MUC7: variants seen among roughly 807,000 people sequenced by gnomAD.
The protein encoded by MUC7 is mucin-7.
Under a neutral mutation model 2.5 loss-of-function variants are expected in MUC7, and 2 were observed. The observed-to-expected ratio is 0.81, with a 90% CI of 0.33 to 2.55. The LOEUF (loss-of-function observed/expected upper bound fraction) is 2.55, where lower values mean the gene tolerates loss of function less well. MUC7 is among the 30% of genes most tolerant of loss of function. MUC7 has a pLI of 0.11. For synonymous variants in MUC7, 133 were observed against 173.4 expected, an observed-to-expected ratio of 0.77 and a Z score of 1.83; for missense variants, 408 against 455.6, an observed-to-expected ratio of 0.90 and a Z score of 0.95.
At chr4:70,474,414 G>A (rs1734933102) in intron 2 of MUC7, among the ~76,000 whole-genome samples, 1 of 152,074 alleles carries the variant, frequency 6.6e-6, no homozygotes, top group Non-Finnish European at 1.5e-5. Context: ...CAACTACTCG[G>A]AGGCTGAGGT....
chr4:70,479,253 A>ATAGT (rs1241896817), intron 2 of MUC7, among the ~76,000 whole-genome samples: 2 of 152,224 alleles, frequency 1.3e-5, no homozygotes, highest in Admixed American at 6.5e-5. Flanking sequence ...TTGCTTTGAA[A>ATAGT]TAGTTATGTG....
chr4:70,444,803 G>C (rs1019834960), intron 1 of MUC7, among the ~76,000 whole-genome samples: 3 of 152,132 alleles, frequency 2.0e-5, no homozygotes, highest in African/African-American at 7.2e-5. Flanking sequence ...TGTAATCCCA[G>C]CACTTTGGGA....
chr4:70,464,154 C>T (rs1734623972), intron 1 of MUC7, among the ~76,000 whole-genome samples: 1 of 152,192 alleles, frequency 6.6e-6, no homozygotes, highest in Admixed American at 6.5e-5. Flanking sequence ...GGATTGGAAA[C>T]TCCCTCCCCT....
chr4:70,433,628 G>C (rs1201161361), intron 1 of MUC7, among the ~76,000 whole-genome samples: 1 of 152,166 alleles, frequency 6.6e-6, no homozygotes, highest in Non-Finnish European at 1.5e-5. Context: ...ATTTTGGGCT[G>C]AGACAATGTG....
chr4:70,472,643 G>A (rs1171855687), intron 1 of MUC7, among the ~76,000 whole-genome samples: 1 of 152,082 alleles, frequency 6.6e-6, no homozygotes, highest in African/African-American at 2.4e-5. Flanking sequence ...TTCTCAGTAC[G>A]ATTTGTAATA....
chr4:70,433,259 C>A (rs1319221831), intron 1 of MUC7, among the ~76,000 whole-genome samples: 1 of 151,942 alleles, frequency 6.6e-6, no homozygotes, highest in Non-Finnish European at 1.5e-5. Flanking sequence ...TTTTCTAATT[C>A]TGTGAAGAAA....
In MUC7 at chr4:70,455,770, C is replaced by T. The variant is rs148320050; in HGVS notation, c.-92-16445C>T. 3.4e-3 allele frequency among the ~76,000 whole-genome samples: 524 copies of T among 152,236 alleles called. 1 individual carries two copies. Among genetic ancestry groups the T allele is most frequent in the African/African-American group, 0.011 (437 of 41,538 alleles). On this transcript the variant is annotated intron_variant, in intron 1 of 3. Transcript: ENST00000413702. ...TCGAGCTTTACGAAAAGATGTCACA[C>T]GCCACGCCCCTCCCAACTCCGTATA...
At chr4:70,464,307 G>A (rs532961739) in intron 1 of MUC7, among the ~76,000 whole-genome samples, 167 of 152,238 alleles carry the variant, frequency 1.1e-3, no homozygotes, top group Non-Finnish European at 1.8e-3. Context: ...GGTTTCAAGC[G>A]CAAAATTGGG....
At chr4:70,447,032 G>C (rs1734158241) in intron 1 of MUC7, among the ~76,000 whole-genome samples, 1 of 121,392 alleles carries the variant, frequency 8.2e-6, no homozygotes, top group African/African-American at 3.1e-5. Flanking sequence ...CCCAACATGA[G>C]ATTTTCTTTA....
At chr4:70,446,083 A>T (rs1289959994) in intron 1 of MUC7, among the ~76,000 whole-genome samples, 1 of 152,188 alleles carries the variant, frequency 6.6e-6, no homozygotes, top group Admixed American at 6.5e-5. Context: ...GGTCCCACTC[A>T]GGTAGGTCCT....
chr4:70,457,445 C>A (rs1433035488), intron 1 of MUC7, among the ~76,000 whole-genome samples: 1 of 151,834 alleles, frequency 6.6e-6, no homozygotes, highest in Admixed American at 6.6e-5. Context: ...TTGTCTCAAT[C>A]AATCAATCAT....
intron 1 of MUC7, among the ~76,000 whole-genome samples, chr4:70,438,584 G>C (rs1018970390): frequency 1.3e-5 from 2 of 152,044 alleles, no homozygotes; most frequent in Non-Finnish European, 2.9e-5. Flanking sequence ...AGTCTTCCAA[G>C]TACCTGGGAC....
At chr4:70,479,711 A>C (rs141993664) in intron 2 of MUC7, among the ~76,000 whole-genome samples, 2 of 152,328 alleles carry the variant, frequency 1.3e-5, no homozygotes, top group East Asian at 3.9e-4. Flanking sequence ...AACTCAAATA[A>C]TGTCAGCAAT....
intron 1 of MUC7, among the ~76,000 whole-genome samples, chr4:70,435,374 A>G (rs1237445087): frequency 6.6e-6 from 1 of 152,150 alleles, no homozygotes; most frequent in Non-Finnish European, 1.5e-5. Flanking sequence ...TGCTTTATGA[A>G]TCTGGATGCT....
chr4:70,439,548 C>A lies in MUC7; in HGVS notation c.-93+8861C>A, dbSNP rs2043576178. Among the ~76,000 whole-genome samples, 3 of 152,074 alleles carry A rather than the reference C, an allele frequency of 2.0e-5. No individual in the cohort carries two copies. The South Asian group carries it at 6.2e-4, about 31-fold the overall frequency. The stretch of plus-strand genomic sequence containing the variant: ...CATCATACCTAGTAAGACTGAACAT[C>A]ATATTTCTAAATAAAAGTACACATT... On this transcript the variant is annotated intron_variant, in intron 1 of 3. Coordinates refer to the MUC7 transcript ENST00000413702.
At chr4:70,466,772 C>A (rs1734695531) in intron 1 of MUC7, among the ~76,000 whole-genome samples, 1 of 152,108 alleles carries the variant, frequency 6.6e-6, no homozygotes, top group African/African-American at 2.4e-5. Context: ...TTCTTAGAGA[C>A]CTACAAAGAG....
chr4:70,440,529 T>C (rs982600706), intron 1 of MUC7, among the ~76,000 whole-genome samples: 2 of 152,116 alleles, frequency 1.3e-5, no homozygotes, highest in Non-Finnish European at 2.9e-5. Context: ...AAACCTAACA[T>C]TTGATAGATC....
intron 2 of MUC7, among the ~76,000 whole-genome samples, chr4:70,478,698 C>A (rs964464551): frequency 6.6e-6 from 1 of 152,154 alleles, no homozygotes; most frequent in African/African-American, 2.4e-5. Context: ...GAATGTGAGG[C>A]CCTCAATCCT....
chr4:70,433,875 T>A (rs1489437812), intron 1 of MUC7, among the ~76,000 whole-genome samples: 1 of 152,194 alleles, frequency 6.6e-6, no homozygotes, highest in Non-Finnish European at 1.5e-5. Flanking sequence ...CATAAATAGC[T>A]CTTATTAATT....
Sources: gnomAD v4.1 joint callset for allele counts (sites outside exome capture counted in the v4.1 genomes callset) on GRCh38, gnomAD v4.1.1 for gene constraint, MANE v1.5 for transcripts, NCBI Gene and HGNC (gene_info 2026-07-23, HGNC 2026-07-21) for gene names.